The following NAV1 variants were observed in gnomAD, a reference collection of about 807,000 sequenced individuals.
NAV1 encodes the protein pore membrane and/or filament interacting like protein 3.
Under a neutral mutation model 175.2 loss-of-function variants are expected in NAV1, and 18 were observed. The ratio of observed to expected loss-of-function variants is 0.10; its 90% CI spans 0.07 to 0.15. NAV1 has a LOEUF of 0.15. Ranked by LOEUF, NAV1 falls within the 10% of genes least tolerant of loss-of-function variation. The probability of loss-of-function intolerance (pLI) is 1.00; values close to 1 mark genes in which losing one functional copy is unlikely to be tolerated. For synonymous variants in NAV1, 897 were observed against 978.7 expected (o/e 0.92, Z 1.56); for missense variants, 1,731 against 2,436.6 (o/e 0.71, Z 6.10).
At chr1:201,650,713 G>C (rs1346176572) in intron 1 of NAV1, among the ~76,000 whole-genome samples, 10 of 152,238 alleles carry the variant, frequency 6.6e-5, no homozygotes, top group Admixed American at 6.5e-4. Context: ...CTAGGATGAG[G>C]GTCCTCTGAC....
intron 3 of NAV1, chr1:201,733,514 T>C (rs868322390): frequency 2.0e-5 from 3 of 151,960 alleles, no homozygotes; most frequent in Middle Eastern, 6.8e-3. Flanking sequence ...AAAATATATA[T>C]ATTAAATTAA....
chr1:201,819,815 C>G (rs772790436), intron 29 of NAV1, 22 bp from the exon 34 acceptor site: 12 of 1,608,802 alleles, frequency 7.5e-6, no homozygotes, highest in Non-Finnish European at 8.5e-6. Flanking sequence ...TCTCATAAAT[C>G]CATCTTTTTG....
intron 2 of NAV1, among the ~76,000 whole-genome samples, chr1:201,606,168 G>A (rs1220011662): frequency 6.6e-6 from 1 of 152,202 alleles, no homozygotes; most frequent in East Asian, 1.9e-4. Context: ...GAAGAAAGGT[G>A]AGACAGCTGG....
chr1:201,786,690 TG>T lies in NAV1; in HGVS notation c.2995+116del, dbSNP rs1676773774. 3.8e-6 allele frequency: 4 copies of T among 1,059,190 alleles called. No homozygotes were observed. In the East Asian group the frequency reaches 1.0e-4, roughly 27 times the overall value. The allele number at this position is 1,059,190 out of a possible 1,614,324, so 65.6% of individuals were successfully genotyped here. A position where few individuals can be genotyped will look rare whatever the true frequency, so the allele number is the denominator to read the frequency against. On this transcript the variant is annotated intron_variant, in intron 9 of 29. Transcript: ENST00000367296. Reference sequence around the variant, plus strand: ...ATCTCATGTTTGACTCATGCTGTATTGGGTTGTTTCATGGTGCCTCAGTTTA... The same window carrying T: ...ATCTCATGTTTGACTCATGCTGTATTGGTTGTTTCATGGTGCCTCAGTTTA...
chr1:201,784,927 T>C (rs1676617485), intron 7 of NAV1, among the ~76,000 whole-genome samples: 2 of 151,922 alleles, frequency 1.3e-5, no homozygotes, highest in East Asian at 1.9e-4. Flanking sequence ...CACCACTGCG[T>C]CTGGCTAATT....
chr1:201,556,175 G>T (rs1361021233), intron 1 of NAV1, among the ~76,000 whole-genome samples: 1 of 152,154 alleles, frequency 6.6e-6, no homozygotes, highest in African/African-American at 2.4e-5. Flanking sequence ...ACTTTAGAAG[G>T]CCAAGGTGGG....
intron 1 of NAV1, among the ~76,000 whole-genome samples, chr1:201,656,749 G>A (rs947679834): frequency 5.9e-5 from 9 of 152,310 alleles, no homozygotes; most frequent in African/African-American, 1.7e-4. Context: ...GGACATTTGC[G>A]TGCATGTATA....
intron 15 of NAV1, chr1:201,798,716 T>TC (rs1677632122): frequency 7.2e-6 from 1 of 139,694 alleles, no homozygotes; most frequent in African/African-American, 2.7e-5. Context: ...TTTTTTTTTT[T>TC]TTTTGAGATG....
chr1:201,662,492 A>G (rs1262202659), intron 1 of NAV1, among the ~76,000 whole-genome samples: 1 of 152,174 alleles, frequency 6.6e-6, no homozygotes, highest in Non-Finnish European at 1.5e-5. Flanking sequence ...GCCTGGGGCG[A>G]TAGAAGGAGC....
intron 1 of NAV1, among the ~76,000 whole-genome samples, chr1:201,587,889 C>A (rs942112035): frequency 3.3e-5 from 5 of 152,030 alleles, no homozygotes; most frequent in Non-Finnish European, 5.9e-5. Context: ...ACTAGGATGG[C>A]TAAAATAAAA....
chr1:201,764,286 C>G (rs1207073585), intron 3 of NAV1, among the ~76,000 whole-genome samples: 1 of 152,172 alleles, frequency 6.6e-6, no homozygotes, highest in Non-Finnish European at 1.5e-5. Context: ...GGGCAGGTGG[C>G]TTAAACAATA....
chr1:201,693,632 T>C (rs891221901), intron 1 of NAV1, among the ~76,000 whole-genome samples: 1 of 152,042 alleles, frequency 6.6e-6, no homozygotes, highest in African/African-American at 2.4e-5. Flanking sequence ...CAAGGAAGGC[T>C]TCTTGGAGGA....
chr1:201,790,659 C>T (rs774362058), intron 12 of NAV1, 30 bp from the exon 17 acceptor site: 20 of 1,613,736 alleles, frequency 1.2e-5, no homozygotes, highest in East Asian at 4.5e-5. Context: ...CTTCTGCAGC[C>T]AGTAGTTTGT....
chr1:201,816,672 C>T (rs1384767257), intron 28 of NAV1, among the ~76,000 whole-genome samples: 1 of 113,066 alleles, frequency 8.8e-6, no homozygotes, highest in Admixed American at 1.1e-4. Context: ...TGAGGAAGTG[C>T]ACTTTTTTTT....
At chr1:201,753,008 G>T (rs1332406511) in intron 3 of NAV1, among the ~76,000 whole-genome samples, 4 of 152,006 alleles carry the variant, frequency 2.6e-5, no homozygotes. Flanking sequence ...AGTTTTGGGG[G>T]GAACGAGGGG....
rs1221356846 is a variant in NAV1, at chr1:201,740,376, A to G, written c.1226+21621A>G. 6.6e-6 allele frequency among the ~76,000 whole-genome samples: 1 copy of G among 152,244 alleles called. No individual in the cohort carries two copies. Among genetic ancestry groups the G allele is most frequent in the African/African-American group, 2.4e-5 (1 of 41,468 alleles). ...GGGAAGGAAAGGAGCTTAGGCGCCCAGGAGACCTGGACGGAGCTGAGACAA... is the reference window on the plus strand; with the variant it reads ...GGGAAGGAAAGGAGCTTAGGCGCCCGGGAGACCTGGACGGAGCTGAGACAA... On this transcript the variant is annotated intron_variant, in intron 3 of 29. Transcript: ENST00000367296. The surrounding 1 kb of genome is among the most constrained non-coding windows in gnomAD (Gnocchi z 4.7).
chr1:201,659,612 C>T (rs1479059361), intron 1 of NAV1, among the ~76,000 whole-genome samples: 1 of 152,086 alleles, frequency 6.6e-6, no homozygotes, highest in Non-Finnish European at 1.5e-5. Flanking sequence ...AGAGCAAGAC[C>T]CTGTCCCTAA....
intron 1 of NAV1, among the ~76,000 whole-genome samples, chr1:201,627,337 A>G (rs1361683491): frequency 6.6e-6 from 1 of 151,586 alleles, no homozygotes; most frequent in Non-Finnish European, 1.5e-5. Flanking sequence ...CAGTAGCACG[A>G]TCTCGGCTCA....
At chr1:201,544,377 G>A (rs1049923129) in intron 1 of NAV1, among the ~76,000 whole-genome samples, 1 of 152,144 alleles carries the variant, frequency 6.6e-6, no homozygotes, top group African/African-American at 2.4e-5. Context: ...TCCCTTCCCT[G>A]ATTTTAAAAT....
Sources: gnomAD v4.1 joint callset for allele counts (sites outside exome capture counted in the v4.1 genomes callset) on GRCh38, gnomAD v4.1.1 for gene constraint, Gnocchi (gnomAD v3.1) non-coding constraint, MANE v1.5 for transcripts, NCBI Gene and HGNC (gene_info 2026-07-23, HGNC 2026-07-21) for gene names.